PGM2L1: variants seen among roughly 807,000 people sequenced by gnomAD.
The protein encoded by PGM2L1 is phosphoglucomutase 2 like 1, also known as glucose 1,6-bisphosphate synthase.
Under a neutral mutation model 73.4 loss-of-function variants are expected in PGM2L1, and 35 were observed. That is an observed-to-expected ratio of 0.48 (90% CI 0.36 to 0.63). The LOEUF (loss-of-function observed/expected upper bound fraction) is 0.63. Ranked by LOEUF, PGM2L1 falls within the 30% of genes least tolerant of loss-of-function variation. The pLI is 0.00. For synonymous variants in PGM2L1, 225 were observed against 253.8 expected (o/e 0.89, Z 1.08); for missense variants, 570 against 742.0 (o/e 0.77, Z 2.69).
intron 5 of PGM2L1, among the ~76,000 whole-genome samples, chr11:74,359,042 A>G (rs1044102157): frequency 4.6e-5 from 7 of 152,220 alleles, no homozygotes; most frequent in Admixed American, 3.9e-4. Flanking sequence ...AAATACATAG[A>G]TGAAATTAAT....
At chr11:74,379,651 C>T (rs61901471) in intron 1 of PGM2L1, among the ~76,000 whole-genome samples, 56,968 of 151,804 alleles carry the variant, frequency 0.38, 12,649 homozygotes, top group East Asian at 0.53. Flanking sequence ...AGGCTGGGCG[C>T]GGTGGCTTAT....
At chr11:74,387,611 G>T in intron 1 of PGM2L1, among the ~76,000 whole-genome samples, 1 of 151,922 alleles carries the variant, frequency 6.6e-6, no homozygotes, top group Non-Finnish European at 1.5e-5. Flanking sequence ...ATTCTACTGT[G>T]CCCATTTTAA....
At chr11:74,358,248 C>T (rs957141317) in intron 5 of PGM2L1, among the ~76,000 whole-genome samples, 5 of 152,058 alleles carry the variant, frequency 3.3e-5, no homozygotes, top group African/African-American at 1.2e-4. Flanking sequence ...TATGTGGGGA[C>T]AAGTGGGTAT....
chr11:74,343,405 T>C lies in PGM2L1; in HGVS notation c.1230A>G (p.Pro410=). ...KEGFHFEETL[P]GFKWIGSRII... ...TCCTACTTCCAATCCATTTAAAACC[T>C]GGTAATGTTTCCTGAAATGCAGAGG... is the stretch of plus-strand genomic sequence containing the variant. Residue 410 remains proline (P), a synonymous_variant, in exon 10 of 14, where the codon CCA becomes CCG. Coordinates refer to ENST00000298198, the MANE Select transcript of PGM2L1 (RefSeq NM_173582.6). 2 of 1,605,684 alleles carry C rather than the reference T, an allele frequency of 1.2e-6. No homozygotes were observed. Among genetic ancestry groups the C allele is most frequent in the Non-Finnish European group, 1.7e-6 (2 of 1,177,940 alleles).
At chr11:74,380,970 A>G (rs1204519613) in intron 1 of PGM2L1, among the ~76,000 whole-genome samples, 1 of 152,130 alleles carries the variant, frequency 6.6e-6, no homozygotes, top group Non-Finnish European at 1.5e-5. Context: ...TGAGTCAGCA[A>G]TTGCTTAGCT....
intron 1 of PGM2L1, among the ~76,000 whole-genome samples, chr11:74,378,881 T>C (rs1424553852): frequency 6.6e-6 from 1 of 152,208 alleles, no homozygotes; most frequent in Non-Finnish European, 1.5e-5. Context: ...AATGAAAGTA[T>C]TAACATTCAC....
intron 12 of PGM2L1, among the ~76,000 whole-genome samples, chr11:74,341,554 T>A (rs1304820992): frequency 6.6e-6 from 1 of 151,948 alleles, no homozygotes; most frequent in Non-Finnish European, 1.5e-5. Context: ...TAGTCAGGCG[T>A]GGTGACATGC....
chr11:74,342,413 G>T, intron 12 of PGM2L1, 48 bp downstream of exon 12: 1 of 1,364,448 alleles, frequency 7.3e-7, no homozygotes, highest in South Asian at 1.7e-5. Context: ...TTGGTGACAT[G>T]AGCCATGAAA....
At position 74,392,327 on chromosome 11, in the gene PGM2L1, T is replaced by C. The variant is rs533324545; in HGVS notation, c.111+5724A>G. On this transcript the variant is annotated intron_variant, in intron 1 of 13. Coordinates refer to ENST00000298198, the MANE Select transcript of PGM2L1 (RefSeq NM_173582.6). ...AAAATGATGAAAACAGGAGAAAATG[T>C]AGGAAATTTGGAAGTATAAAGAAAA... is the stretch of plus-strand genomic sequence containing the variant. Among the ~76,000 whole-genome samples the C allele has an allele frequency of 4.6e-5, 7 of 152,070 alleles. No individual in the cohort carries two copies. The South Asian group carries it at 1.0e-3, about 23-fold the overall frequency.
chr11:74,378,650 T>C (rs11828482), intron 1 of PGM2L1, among the ~76,000 whole-genome samples: 8,464 of 152,254 alleles, frequency 0.056, 759 homozygotes, highest in African/African-American at 0.19. Flanking sequence ...TTGCTTCAAC[T>C]TTACATGGCT....
rs138919239 is a variant in PGM2L1 at position 74,381,663 on chromosome 11, G to A, written c.112-7081C>T. ...GGGATATATCAGCTCACTGCAGCCCGGACCTCCTGGGCTCAAGTGATCCTC... is the reference window on the plus strand; with the variant it reads ...GGGATATATCAGCTCACTGCAGCCCAGACCTCCTGGGCTCAAGTGATCCTC... On this transcript the variant is annotated intron_variant, in intron 1 of 13. Coordinates refer to ENST00000298198, the MANE Select transcript of PGM2L1 (RefSeq NM_173582.6). 3.6e-3 allele frequency among the ~76,000 whole-genome samples: 505 copies of A among 141,076 alleles called. 2 individuals carry two copies. Among genetic ancestry groups the A allele is most frequent in the African/African-American group, 0.012 (479 of 38,516 alleles). 92.6% of individuals were successfully genotyped at this position (141,076 alleles called of 152,430 possible).
At chr11:74,340,341 G>A (rs1241181383) in intron 12 of PGM2L1, among the ~76,000 whole-genome samples, 1 of 152,196 alleles carries the variant, frequency 6.6e-6, no homozygotes, top group Admixed American at 6.5e-5. Flanking sequence ...CTTGAGCACA[G>A]CAAACTAGAG....
chr11:74,396,116 G>A (rs1329521773), intron 1 of PGM2L1, among the ~76,000 whole-genome samples: 1 of 151,582 alleles, frequency 6.6e-6, no homozygotes, highest in East Asian at 2.0e-4. Context: ...TTAATTAGCC[G>A]GGCGTGGTGG....
chr11:74,371,912 T>G, intron 2 of PGM2L1, 95 bp from the exon 3 acceptor site: 1 of 1,075,986 alleles, frequency 9.3e-7, no homozygotes, highest in South Asian at 1.3e-5. Context: ...TGCAGCTGAC[T>G]GGCTGCTAGG....
chr11:74,352,675 A>C (rs937510718), intron 5 of PGM2L1, among the ~76,000 whole-genome samples: 1 of 152,172 alleles, frequency 6.6e-6, no homozygotes, highest in Non-Finnish European at 1.5e-5. Flanking sequence ...TGACCTAAAA[A>C]CCTGTTCTCT....
chr11:74,391,288 T>C (rs1019212874), intron 1 of PGM2L1, among the ~76,000 whole-genome samples: 1 of 151,708 alleles, frequency 6.6e-6, no homozygotes, highest in Non-Finnish European at 1.5e-5. Flanking sequence ...ATCTTCACCA[T>C]ATTACTAACA....
intron 5 of PGM2L1, among the ~76,000 whole-genome samples, chr11:74,361,986 C>T (rs1331791992): frequency 6.6e-6 from 1 of 152,158 alleles, no homozygotes; most frequent in East Asian, 1.9e-4. Flanking sequence ...AGGATATTAT[C>T]CAGGAGAACT....
At chr11:74,381,445 CCT>C (rs1862943087) in intron 1 of PGM2L1, among the ~76,000 whole-genome samples, 2 of 152,164 alleles carry the variant, frequency 1.3e-5, no homozygotes, top group Non-Finnish European at 2.9e-5. Context: ...GCAAAATCCC[CCT>C]CTTTTACCTC....
chr11:74,396,060 T>C (rs1863170738), intron 1 of PGM2L1, among the ~76,000 whole-genome samples: 1 of 151,758 alleles, frequency 6.6e-6, no homozygotes, highest in African/African-American at 2.4e-5. Context: ...AAGACAAGCC[T>C]GGGCAACATA....
Sources: allele counts gnomAD v4.1 joint callset (sites outside exome capture counted in the v4.1 genomes callset), GRCh38; gene constraint gnomAD v4.1.1; transcripts MANE v1.5; gene names NCBI Gene and HGNC (gene_info 2026-07-23, HGNC 2026-07-21).